The following SUN3 variants were observed in gnomAD, a reference collection of about 807,000 sequenced individuals.
SUN3 encodes the protein SUN domain-containing protein 3.
In SUN3, 36 loss-of-function variants were observed where a neutral mutation model predicts 48.2. That is an observed-to-expected ratio of 0.75 (90% CI 0.57 to 0.99). SUN3 has a LOEUF of 0.99. SUN3 is among the 50% of genes least tolerant of loss of function. The pLI is 0.00. For synonymous variants in SUN3, 148 were observed against 147.9 expected, an observed-to-expected ratio of 1.00 and a Z score of 0.00; for missense variants, 419 against 433.1, an observed-to-expected ratio of 0.97 and a Z score of 0.29.
At chr7:47,990,050 C>T (rs146484547) in intron 8 of SUN3, among the ~76,000 whole-genome samples, 7,005 of 150,928 alleles carry the variant, frequency 0.046, 335 homozygotes, top group African/African-American at 0.12. Context: ...TATGGCCTCA[C>T]GGGAAGGGAA....
At chr7:48,032,747 G>T (rs940399170), upstream of SUN3, among the ~76,000 whole-genome samples, 1 of 152,242 alleles carries the variant, frequency 6.6e-6, no homozygotes, top group African/African-American at 2.4e-5. Context: ...CAGAGGTGAA[G>T]GTTGGAGAGG....
rs113991179 is a variant in SUN3, at chr7:47,999,926, GTTTA to G, written c.578-3784_578-3781del. On this transcript the variant is annotated intron_variant, in intron 6 of 9. Transcript: ENST00000297325. ...CAACGCACGTACCTAGCAGCTCATA[GTTTA>G]TTTGAGTTAACTTTTTATCATTCAT... Among the ~76,000 whole-genome samples, 485 of 152,326 alleles carry G rather than the reference GTTTA, an allele frequency of 3.2e-3. 7 individuals are homozygous for G. Among genetic ancestry groups the G allele is most frequent in the African/African-American group, 0.011 (449 of 41,582 alleles).
chr7:48,004,300 G>A (rs138171930), intron 6 of SUN3, among the ~76,000 whole-genome samples: 290 of 152,268 alleles, frequency 1.9e-3, no homozygotes, highest in African/African-American at 6.5e-3. Flanking sequence ...ATATTATACT[G>A]TAAGACTCTG....
chr7:47,995,893 TATA>T (rs1789198135), intron 7 of SUN3, 135 bp downstream of exon 7: 3 of 523,684 alleles, frequency 5.7e-6, no homozygotes, highest in Non-Finnish European at 1.0e-5. Context: ...ACTATAAAAA[TATA>T]ATGAGATGAT....
chr7:48,013,127 T>G (rs1454435130), intron 3 of SUN3, among the ~76,000 whole-genome samples: 1 of 152,186 alleles, frequency 6.6e-6, no homozygotes, highest in Non-Finnish European at 1.5e-5. Flanking sequence ...AGTGTAGCAG[T>G]GAGCAAAGTC....
intron 7 of SUN3, 78 bp from the exon 8 acceptor site, chr7:47,994,560 T>C (rs1190043121): frequency 2.0e-5 from 28 of 1,428,410 alleles, no homozygotes; most frequent in Non-Finnish European, 2.5e-5. Flanking sequence ...CTAATCACTA[T>C]TGACTGCAGA....
intron 2 of SUN3, among the ~76,000 whole-genome samples, chr7:48,021,230 C>T (rs993234099): frequency 7.2e-5 from 11 of 152,074 alleles, no homozygotes; most frequent in South Asian, 2.1e-4. Context: ...AAACTAGACC[C>T]CTATCTCCTG....
intron 6 of SUN3, among the ~76,000 whole-genome samples, chr7:48,002,151 C>CT (rs71006541): frequency 0.28 from 17,698 of 64,098 alleles, 5,256 homozygotes; most frequent in Non-Finnish European, 0.3. Context: ...TTGCATTTCT[C>CT]TTTTTTTTTT....
At chr7:48,008,231 A>C (rs1437137115) in intron 4 of SUN3, among the ~76,000 whole-genome samples, 2 of 152,248 alleles carry the variant, frequency 1.3e-5, no homozygotes, top group Admixed American at 1.3e-4. Flanking sequence ...AGCACTACTT[A>C]TCTGGTATTT....
rs144143928 is a variant in SUN3 at position 47,992,710 on chromosome 7, T to G, written c.861+1605A>C. Among the ~76,000 whole-genome samples the G allele has an allele frequency of 1.7e-4, 26 of 148,816 alleles. No individual in the cohort carries two copies. The South Asian group carries it at 4.9e-3, about 28-fold the overall frequency. On this transcript the variant is annotated intron_variant, in intron 8 of 9. Coordinates refer to ENST00000297325, the MANE Select transcript of SUN3 (RefSeq NM_001030019.2). ...ATATCTTGGGAAAAAAAAAAGAAAA[T>G]AAATGAAAAGAAAGTGAAGGAAGGA...
chr7:48,010,632 G>T, intron 3 of SUN3, among the ~76,000 whole-genome samples: 1 of 152,104 alleles, frequency 6.6e-6, no homozygotes, highest in East Asian at 1.9e-4. Flanking sequence ...CCAGAAATTT[G>T]TCTCATCCAC....
At chr7:48,014,696 A>C (rs1210313115) in intron 3 of SUN3, among the ~76,000 whole-genome samples, 1 of 152,216 alleles carries the variant, frequency 6.6e-6, no homozygotes, top group Non-Finnish European at 1.5e-5. Context: ...AGAACCTGCC[A>C]GATAAACTTA....
At chr7:47,998,486 T>C (rs1789271681) in intron 6 of SUN3, among the ~76,000 whole-genome samples, 1 of 152,228 alleles carries the variant, frequency 6.6e-6, no homozygotes, top group Admixed American at 6.5e-5. Flanking sequence ...TTTCCAAATA[T>C]TCTCCCCTAG....
At chr7:47,989,117 G>C (rs1245190647) in intron 8 of SUN3, among the ~76,000 whole-genome samples, 2 of 152,190 alleles carry the variant, frequency 1.3e-5, no homozygotes, top group Non-Finnish European at 2.9e-5. Context: ...CAGATAGATA[G>C]ATAGATAGAG....
At chr7:47,997,021 C>T (rs147598052) in intron 6 of SUN3, among the ~76,000 whole-genome samples, 2,228 of 152,086 alleles carry the variant, frequency 0.015, 120 homozygotes, top group Admixed American at 0.1. Context: ...AGGATGGTCT[C>T]GATCTCTTGA....
In SUN3 at chr7:48,025,949, A is replaced by G; in HGVS notation, c.123-11T>C. On this transcript the variant is annotated splice_polypyrimidine_tract_variant and intron_variant, in intron 1 of 9. Transcript: ENST00000297325. ...CATGATCGAGTTACCCTAAAAGAAT[A>G]AAAACAATGATTAGAAAAAGAATTT... 6.4e-7 allele frequency: 1 copy of G among 1,567,684 alleles called. No individual in the cohort carries two copies.
chr7:48,026,582 AC>A (rs1447196918), intron 1 of SUN3, among the ~76,000 whole-genome samples: 1 of 29,828 alleles, frequency 3.4e-5, no homozygotes, highest in Admixed American at 2.9e-4. Context: ...CCACCCCCCA[AC>A]ACACACACAC....
intron 8 of SUN3, among the ~76,000 whole-genome samples, chr7:47,990,618 G>A (rs1789031250): frequency 6.6e-6 from 1 of 152,012 alleles, no homozygotes; most frequent in Non-Finnish European, 1.5e-5. Context: ...CCACAGGTGG[G>A]GAGGGGCAGG....
intron 8 of SUN3, among the ~76,000 whole-genome samples, chr7:47,992,640 G>T (rs1357129016): frequency 6.6e-6 from 1 of 151,970 alleles, no homozygotes; most frequent in East Asian, 1.9e-4. Flanking sequence ...TGTGCATCAG[G>T]CCTACCTAAC....
Sources: gnomAD v4.1 joint callset for allele counts (sites outside exome capture counted in the v4.1 genomes callset) on GRCh38, gnomAD v4.1.1 for gene constraint, MANE v1.5 for transcripts, NCBI Gene and HGNC (gene_info 2026-07-23, HGNC 2026-07-21) for gene names.